Variants in ESPL1 observed in about 807,000 individuals in gnomAD.
ESPL1 encodes separin.
Under a neutral mutation model 217.2 loss-of-function variants are expected in ESPL1, and 50 were observed. The ratio of observed to expected loss-of-function variants is 0.23; its 90% CI spans 0.18 to 0.29. The LOEUF is 0.29. ESPL1 is among the 10% of genes least tolerant of loss of function. The pLI is 1.00. For missense variants in ESPL1, 1,834 were observed against 2,603.0 expected, an observed-to-expected ratio of 0.70 and a Z score of 6.43; for synonymous variants, 994 against 1,081.3, an observed-to-expected ratio of 0.92 and a Z score of 1.58.
intron 7 of ESPL1, 96 bp downstream of exon 7, chr12:53,275,106 C>A: frequency 1.1e-6 from 1 of 925,644 alleles, no homozygotes; most frequent in Non-Finnish European, 1.6e-6. Flanking sequence ...AGTTTGAGAC[C>A]ATGGCCAACA....
chr12:53,285,048 A>C (rs1423313066), intron 17 of ESPL1, among the ~76,000 whole-genome samples: 2 of 150,672 alleles, frequency 1.3e-5, no homozygotes, highest in East Asian at 3.9e-4. Flanking sequence ...AGAAAGAAAG[A>C]TAATATTTAG....
At chr12:53,288,378 T>C (rs368191907) in intron 19 of ESPL1, 37 bp downstream of exon 19, 2 of 1,556,364 alleles carry the variant, frequency 1.3e-6, no homozygotes, top group African/African-American at 2.7e-5. Flanking sequence ...GTGCATGTTT[T>C]GGGGGTTTGT....
intron 25 of ESPL1, 109 bp downstream of exon 25, chr12:53,291,105 C>A: frequency 1.1e-6 from 1 of 894,012 alleles, no homozygotes; most frequent in Non-Finnish European, 1.6e-6. Context: ...GAGCTCGAGA[C>A]CAGCCTGGCC....
intron 7 of ESPL1, among the ~76,000 whole-genome samples, chr12:53,275,511 G>A (rs932427859): frequency 2.0e-5 from 3 of 152,086 alleles, no homozygotes; most frequent in African/African-American, 7.2e-5. Flanking sequence ...CCCATGGATA[G>A]GGTGGCTTTT....
Position 53,270,399 on chromosome 12 carries a change from C to A in ESPL1, c.1165C>A (p.Gln389Lys). 6.2e-7 allele frequency: 1 copy of A among 1,613,436 alleles called. No individual in the cohort carries two copies. Among genetic ancestry groups the A allele is most frequent in the East Asian group, 2.2e-5 (1 of 44,868 alleles). ...DDGVYGGSSK[Q>K]QQSFLQMYFQ... ...TCAGGTGTATGGGGGCTCCTCCAAG[C>A]AACAGCAGTCTTTTCTTCAGATGTA... is the stretch of plus-strand genomic sequence containing the variant. The change falls in exon 4 of 31, where the codon CAA (glutamine) becomes AAA (lysine). Residue 389 changes from glutamine to lysine, a missense_variant. Physicochemically the swap from Gln to Lys is moderately conservative, Grantham distance 53. This residue lies in a region of ESPL1 where 746 missense variants were observed against 1,077.0 expected (regional missense o/e 0.69). Transcript: ENST00000257934.
chr12:53,293,587 G>A lies in ESPL1; in HGVS notation c.*113G>A. ...AGTGATTTTCCCCAGTGTTTTATATGAAACATTTCCTTTTGATTTAACCTC... is the reference window on the plus strand; with the variant it reads ...AGTGATTTTCCCCAGTGTTTTATATAAAACATTTCCTTTTGATTTAACCTC... On this transcript the variant is annotated 3_prime_UTR_variant, in exon 31 of 31. Coordinates refer to ENST00000257934, the MANE Select transcript of ESPL1 (RefSeq NM_012291.5). This position sits in a 1 kb window ranked among gnomAD's most constrained non-coding sequence, Gnocchi z 4.2. 1.3e-6 allele frequency: 1 copy of A among 796,902 alleles called. No homozygotes were observed. The highest frequency in any genetic ancestry group is 2.0e-6 in the Non-Finnish European group (1 of 491,116). 49.4% of individuals were successfully genotyped at this position (796,902 alleles called of 1,614,324 possible). A position where few individuals can be genotyped will look rare whatever the true frequency, so the allele number is the denominator to read the frequency against.
At position 53,282,367 on chromosome 12, in the gene ESPL1, T is replaced by C; in HGVS notation, c.2723T>C (p.Val908Ala). ...CTGCGTGTCCAGGTCCTGCAGCTGGTGGCAGCTTACCTTAGCCTCCCGTCA... is the reference window on the plus strand; with the variant it reads ...CTGCGTGTCCAGGTCCTGCAGCTGGCGGCAGCTTACCTTAGCCTCCCGTCA... ...YLLRVQVLQL[V>A]AAYLSLPSNN... is the part of the protein sequence containing the mutation. Residue 908 changes from valine (V) to alanine (A), a missense_variant, in exon 14 of 31, where the codon GTG becomes GCG. Physicochemically the swap from Val to Ala is moderately conservative, Grantham distance 64. Around this residue, in one of 5 missense-constraint regions of ESPL1, gnomAD observed 5 missense variants for 26.5 expected, o/e 0.19. Transcript: ENST00000257934. This position sits in a 1 kb window ranked among gnomAD's most constrained non-coding sequence, Gnocchi z 4.0. 4 of 1,614,188 alleles carry C rather than the reference T, an allele frequency of 2.5e-6. No homozygotes were observed. Among genetic ancestry groups the C allele is most frequent in the Non-Finnish European group, 3.4e-6 (4 of 1,180,018 alleles).
At chr12:53,278,237 G>A (rs765256715) in intron 11 of ESPL1, among the ~76,000 whole-genome samples, 10 of 152,172 alleles carry the variant, frequency 6.6e-5, no homozygotes, top group Non-Finnish European at 8.8e-5. Flanking sequence ...AGCAGTGCAT[G>A]GAAGAGGTAT....
chr12:53,280,101 G>A (rs578070929), intron 12 of ESPL1, among the ~76,000 whole-genome samples: 3 of 152,166 alleles, frequency 2.0e-5, no homozygotes, highest in Non-Finnish European at 2.9e-5. Context: ...GGAACCTACC[G>A]CCAGTCTTGT....
chr12:53,283,199 G>A lies in ESPL1; in HGVS notation c.2862G>A (p.Met954Ile). The A allele has an allele frequency of 1.2e-6, 2 of 1,614,224 alleles. No individual in the cohort carries two copies. The highest frequency in any genetic ancestry group is 1.7e-6 in the Non-Finnish European group (2 of 1,180,026). The change falls in exon 15 of 31, where the codon ATG becomes ATA. Residue 954 changes from methionine to isoleucine, a missense_variant. By Grantham distance (10) the Met-to-Ile change is conservative. Coordinates refer to ENST00000257934, the MANE Select transcript of ESPL1 (RefSeq NM_012291.5). ...KLLRSIILLL[M>I]GSDILSTQKA... is the part of the protein sequence containing the mutation. ...TCCGAAGCATCATCCTCCTGCTGAT[G>A]GGCAGTGACATTCTCTCAACTCAGA...
Position 53,290,910 on chromosome 12 carries a change from G to A in ESPL1, c.5434G>A (p.Glu1812Lys). Residue 1812 changes from glutamate to lysine, a missense_variant, in exon 25 of 31, where the codon GAG (glutamate) becomes AAG (lysine). Coordinates refer to ENST00000257934, the MANE Select transcript of ESPL1 (RefSeq NM_012291.5). ...WKGLLLPSSE[E>K]PGPAQEASRL... ...GGGGCTGCTGCTGCCGTCCAGTGAG[G>A]AGCCCGGCCCTGCCCAGGAGGCCTC... The A allele has an allele frequency of 6.2e-7, 1 of 1,607,506 alleles. No individual in the cohort carries two copies. The highest frequency in any genetic ancestry group is 8.5e-7 in the Non-Finnish European group (1 of 1,177,340).
Position 53,286,281 on chromosome 12 carries a change from A to T in ESPL1, c.3545A>T (p.Asp1182Val), listed in dbSNP as rs1278244687. 6.2e-7 allele frequency: 1 copy of T among 1,614,176 alleles called. No homozygotes were observed. The highest frequency in any genetic ancestry group is 8.5e-7 in the Non-Finnish European group (1 of 1,180,040). Reference protein sequence around the residue: ...LAMGHQAQGLDLLQVVLKGCP... With the variant: ...LAMGHQAQGLVLLQVVLKGCP... ...ATGGGCCACCAAGCCCAGGGTCTGG[A>T]TCTGCTGCAGGTCGTGCTGAAGGGC... The change falls in exon 18 of 31, where the codon GAT becomes GTT. Residue 1182 changes from aspartate to valine, a missense_variant. By Grantham distance (152) the Asp-to-Val change is radical (BLOSUM62 -3). Around this residue, in one of 5 missense-constraint regions of ESPL1, gnomAD observed 681 missense variants for 808.0 expected, o/e 0.84. Coordinates refer to ENST00000257934, the MANE Select transcript of ESPL1 (RefSeq NM_012291.5). This position sits in a 1 kb window ranked among gnomAD's most constrained non-coding sequence, Gnocchi z 5.3.
In ESPL1 at chr12:53,286,465, G is replaced by A. The variant is rs890244902; in HGVS notation, c.3729G>A (p.Leu1243=). ...EGLNQPSNES[L]QKVLQSGLKF... Reference sequence around the variant, plus strand: ...TGAACCAGCCATCAAACGAGAGCCTGCAGAAGGTTCTACAGTCAGGGCTGA... The same window carrying A: ...TGAACCAGCCATCAAACGAGAGCCTACAGAAGGTTCTACAGTCAGGGCTGA... The change falls in exon 18 of 31, where the codon CTG becomes CTA. Residue 1243 remains leucine, a synonymous_variant. Transcript: ENST00000257934. This position sits in a 1 kb window ranked among gnomAD's most constrained non-coding sequence, Gnocchi z 5.3. 3.7e-6 allele frequency: 6 copies of A among 1,614,232 alleles called. No individual in the cohort carries two copies. In the East Asian group the frequency reaches 1.1e-4, roughly 30 times the overall value.
chr12:53,288,833 CTGT>C, intron 20 of ESPL1, 134 bp downstream of exon 20: 1 of 9,226 alleles, frequency 1.1e-4, no homozygotes, highest in Admixed American at 0.01. Flanking sequence ...CCCCAGCACT[CTGT>C]CTATGAGCTG....
Position 53,285,914 on chromosome 12 carries a change from T to C in ESPL1, c.3188-10T>C. On this transcript the variant is annotated splice_polypyrimidine_tract_variant and intron_variant, in intron 17 of 30. Coordinates refer to ENST00000257934, the MANE Select transcript of ESPL1 (RefSeq NM_012291.5). ...CCCGTTTTGTAATTCTTGTTCTGCC[T>C]TCTCCCCAGAGTTTGGTGGGGTGAC... The C allele has an allele frequency of 6.6e-7, 1 of 1,512,094 alleles. No homozygotes were observed. Among genetic ancestry groups the C allele is most frequent in the Non-Finnish European group, 8.9e-7 (1 of 1,128,662 alleles). The allele number at this position is 1,512,094 out of a possible 1,614,324, so 93.7% of individuals were successfully genotyped here.
At position 53,282,404 on chromosome 12, in the gene ESPL1, A is replaced by C; in HGVS notation, c.2760A>C (p.Ser920=). 6 of 1,613,878 alleles carry C rather than the reference A, an allele frequency of 3.7e-6. No homozygotes were observed. The highest frequency in any genetic ancestry group is 3.4e-6 in the Non-Finnish European group (4 of 1,179,838). ...TTAGCCTCCCGTCAAACAACCTCTCACACTCCCTGTGGGAGCAGCTCTGTG... is the reference window on the plus strand; with the variant it reads ...TTAGCCTCCCGTCAAACAACCTCTCCCACTCCCTGTGGGAGCAGCTCTGTG... ...AYLSLPSNNL[S]HSLWEQLCAQ... Residue 920 remains serine, a synonymous_variant, in exon 14 of 31, where the codon TCA becomes TCC. Coordinates refer to ENST00000257934, the MANE Select transcript of ESPL1 (RefSeq NM_012291.5). The surrounding 1 kb of genome is among the most constrained non-coding windows in gnomAD (Gnocchi z 4.0).
At position 53,270,035 on chromosome 12, in the gene ESPL1, G is replaced by A; in HGVS notation, c.1093G>A (p.Ala365Thr). 5.6e-6 allele frequency: 9 copies of A among 1,614,062 alleles called. No individual in the cohort carries two copies. Among genetic ancestry groups the A allele is most frequent in the Non-Finnish European group, 6.8e-6 (8 of 1,179,968 alleles). ...ACTTGATGCCATTCTGAGCCTCTTTGCTTTTCTTGGAGGGTACTGCTCTCT... is the reference window on the plus strand; with the variant it reads ...ACTTGATGCCATTCTGAGCCTCTTTACTTTTCTTGGAGGGTACTGCTCTCT... The part of the protein sequence containing the change: ...YRLDAILSLF[A>T]FLGGYCSLLQ... Residue 365 changes from alanine to threonine, a missense_variant, in exon 3 of 31, where the codon GCT (alanine) becomes ACT (threonine). Around this residue, in one of 5 missense-constraint regions of ESPL1, gnomAD observed 746 missense variants for 1,077.0 expected, o/e 0.69. Transcript: ENST00000257934.
Position 53,274,673 on chromosome 12 carries a change from G to A in ESPL1, c.1507-144G>A, listed in dbSNP as rs2120896162. 3 of 633,994 alleles carry A rather than the reference G, an allele frequency of 4.7e-6. No individual in the cohort carries two copies. In the South Asian group the frequency reaches 5.6e-5, roughly 12 times the overall value. The allele number at this position is 633,994 out of a possible 1,614,324, so 39.3% of individuals were successfully genotyped here. A position where few individuals can be genotyped will look rare whatever the true frequency, so the allele number is the denominator to read the frequency against. On this transcript the variant is annotated intron_variant, in intron 6 of 30. Transcript: ENST00000257934. ...AGTATTTCATTCTTAGGTGTCTCCT[G>A]CCTTGGGTGGGTGTGGCTCAGGAGG...
At chr12:53,275,287 C>T (rs1217396345) in intron 7 of ESPL1, among the ~76,000 whole-genome samples, 1 of 152,116 alleles carries the variant, frequency 6.6e-6, no homozygotes, top group Non-Finnish European at 1.5e-5. Flanking sequence ...ACGGTGAAAC[C>T]CCATCTCTAC....
Sources: gnomAD v4.1 joint callset for allele counts (sites outside exome capture counted in the v4.1 genomes callset) on GRCh38, gnomAD v4.1.1 for gene constraint, gnomAD v4.1.1 regional missense constraint, Gnocchi (gnomAD v3.1) non-coding constraint, MANE v1.5 for transcripts, NCBI Gene and HGNC (gene_info 2026-07-23, HGNC 2026-07-21) for gene names.